INPP5B: variants seen among roughly 807,000 people sequenced by gnomAD.
INPP5B encodes the protein type II inositol 1,4,5-trisphosphate 5-phosphatase.
In INPP5B, 90 loss-of-function variants were observed where a neutral mutation model predicts 118.5. That is an observed-to-expected ratio of 0.76 (90% confidence interval 0.64 to 0.90). The LOEUF (loss-of-function observed/expected upper bound fraction) is 0.90. Ranked by LOEUF, INPP5B falls within the 40% of genes least tolerant of loss-of-function variation. INPP5B has a pLI of 0.00. For synonymous variants in INPP5B, 385 were observed against 418.9 expected (o/e 0.92, Z 0.99); for missense variants, 984 against 1,125.6 (o/e 0.87, Z 1.80).
intron 19 of INPP5B, among the ~76,000 whole-genome samples, chr1:37,872,381 A>AAG (rs1214707432): frequency 6.6e-6 from 1 of 151,116 alleles, no homozygotes; most frequent in Non-Finnish European, 1.5e-5. Flanking sequence ...AAAAAAAAAA[A>AAG]AAAAAAAGAA....
chr1:37,910,116 C>T (rs979729792), intron 7 of INPP5B, among the ~76,000 whole-genome samples: 2 of 152,194 alleles, frequency 1.3e-5, no homozygotes, highest in Admixed American at 6.5e-5. Context: ...CTCAGCTTAG[C>T]GGCTGAAGAC....
chr1:37,874,449 C>A (rs1202746702), intron 17 of INPP5B, among the ~76,000 whole-genome samples: 4 of 152,198 alleles, frequency 2.6e-5, no homozygotes, highest in Admixed American at 1.3e-4. Flanking sequence ...AATTCCACTT[C>A]TAAACATGAA....
chr1:37,864,260 T>G, intron 23 of INPP5B, 52 bp downstream of exon 23: 1 of 999,046 alleles, frequency 1.0e-6, no homozygotes, highest in Non-Finnish European at 1.6e-6. Flanking sequence ...CATTTCTCAT[T>G]ACGAGTCTCT....
intron 7 of INPP5B, among the ~76,000 whole-genome samples, chr1:37,900,599 A>G (rs1302931709): frequency 2.7e-5 from 4 of 146,658 alleles, no homozygotes; most frequent in African/African-American, 5.0e-5. Context: ...ACAGATCTCC[A>G]TGTTTACTTT....
At chr1:37,873,461 T>C (rs1642595072) in intron 18 of INPP5B, 1 of 402,190 alleles carries the variant, frequency 2.5e-6, no homozygotes, top group South Asian at 2.5e-5. Flanking sequence ...TAAGAAGGCA[T>C]GGATCAAAGA....
intron 7 of INPP5B, 43 bp downstream of exon 7, chr1:37,931,870 G>T: frequency 1.2e-6 from 2 of 1,613,296 alleles, no homozygotes; most frequent in African/African-American, 1.3e-5. Context: ...CTGTGGCCGG[G>T]CCTCCTCCAA....
intron 6 of INPP5B, 77 bp downstream of exon 6, chr1:37,940,611 G>T: frequency 1.2e-6 from 1 of 823,944 alleles, no homozygotes; most frequent in Non-Finnish European, 2.1e-6. Flanking sequence ...GAGTCCAAAG[G>T]GTGGAGAGTC....
chr1:37,936,860 C>A (rs1393597180), intron 6 of INPP5B, among the ~76,000 whole-genome samples: 1 of 151,780 alleles, frequency 6.6e-6, no homozygotes, highest in Non-Finnish European at 1.5e-5. Flanking sequence ...AGCCACCGTG[C>A]CTGGCCTGGA....
intron 6 of INPP5B, among the ~76,000 whole-genome samples, chr1:37,938,483 G>A (rs981435158): frequency 4.7e-4 from 72 of 152,028 alleles, no homozygotes; most frequent in Non-Finnish European, 5.9e-5. Context: ...TTTTACATGT[G>A]TTATCTCATT....
Position 37,868,517 on chromosome 1 carries a change from C to G in INPP5B, c.2285G>C (p.Arg762Pro). The G allele has an allele frequency of 1.2e-6, 2 of 1,612,866 alleles. No individual in the cohort carries two copies. Among genetic ancestry groups the G allele is most frequent in the Non-Finnish European group, 1.7e-6 (2 of 1,178,894 alleles). Residue 762 changes from arginine (R) to proline (P), a missense_variant, in exon 20 of 24, where the codon CGA (arginine) becomes CCA (proline). This residue lies in a region of INPP5B where 634 missense variants were observed against 791.0 expected (regional missense o/e 0.80). Transcript: ENST00000373024. ...ELWMMVDYLY[R>P]NAVQQEDLFQ... ...ACAACCTACCTGCTGGACAGCATTT[C>G]GGTACAGGTAATCAACCATCATCCA...
At chr1:37,875,280 T>C (rs1164070923) in intron 17 of INPP5B, among the ~76,000 whole-genome samples, 2 of 152,104 alleles carry the variant, frequency 1.3e-5, no homozygotes, top group Non-Finnish European at 2.9e-5. Flanking sequence ...ACTAATCTTT[T>C]TTTTTTGAGA....
At chr1:37,904,665 G>A (rs1323905566) in intron 7 of INPP5B, among the ~76,000 whole-genome samples, 1 of 152,092 alleles carries the variant, frequency 6.6e-6, no homozygotes, top group African/African-American at 2.4e-5. Flanking sequence ...ATCACCTGAG[G>A]TTGGGAGTTC....
chr1:37,913,188 C>G (rs1202316382), intron 7 of INPP5B, among the ~76,000 whole-genome samples: 1 of 152,060 alleles, frequency 6.6e-6, no homozygotes, highest in Non-Finnish European at 1.5e-5. Context: ...ACCCGGAAGG[C>G]GGAGCTTGCA....
At chr1:37,941,937 C>CAAAAAAA (rs1212694634) in intron 5 of INPP5B, 2 of 12,908 alleles carry the variant, frequency 1.5e-4, no homozygotes, top group African/African-American at 4.7e-4. Context: ...GACTCCGTCT[C>CAAAAAAA]AAAAAAAAAA....
chr1:37,941,958 A>AAAAAAAAAAAAAAATAT (rs1427344681), intron 5 of INPP5B: 1 of 30,386 alleles, frequency 3.3e-5, no homozygotes, highest in Non-Finnish European at 6.6e-5. Context: ...AAAAAAAAAA[A>AAAAAAAAAAAAAAATAT]ATATATATAT....
In INPP5B at chr1:37,882,786, G is replaced by A. The variant is rs566376718; in HGVS notation, c.1431+21C>T. ...TGGTGGAGGACAGCTGCTGGAAGAG[G>A]GCACAGGTGGCCATCTGTACCTGAT... is the stretch of plus-strand genomic sequence containing the variant. On this transcript the variant is annotated intron_variant, in intron 14 of 23. Transcript: ENST00000373024. The A allele has an allele frequency of 1.3e-3, 1,991 of 1,574,494 alleles. 42 individuals are homozygous for A. In the South Asian group the frequency reaches 0.021, roughly 17 times the overall value.
intron 18 of INPP5B, among the ~76,000 whole-genome samples, chr1:37,873,782 C>A: frequency 6.6e-6 from 1 of 152,340 alleles, no homozygotes; most frequent in East Asian, 1.9e-4. Flanking sequence ...TTATGGAACA[C>A]ATAAATGACT....
At chr1:37,905,797 G>A (rs1644484062) in intron 7 of INPP5B, among the ~76,000 whole-genome samples, 2 of 152,208 alleles carry the variant, frequency 1.3e-5, no homozygotes, top group Admixed American at 1.3e-4. Flanking sequence ...GAAGTTAACT[G>A]CATGGACTGA....
intron 1 of INPP5B, 107 bp from the exon 2 acceptor site, chr1:37,946,441 G>T (rs1646115212): frequency 9.4e-6 from 7 of 742,424 alleles, no homozygotes; most frequent in Admixed American, 2.2e-5. Flanking sequence ...TTTGCAGAGG[G>T]AGATGGTACC....
Sources: gnomAD v4.1 joint callset for allele counts (sites outside exome capture counted in the v4.1 genomes callset) on GRCh38, gnomAD v4.1.1 for gene constraint, gnomAD v4.1.1 regional missense constraint, MANE v1.5 for transcripts, NCBI Gene and HGNC (gene_info 2026-07-23, HGNC 2026-07-21) for gene names.